Variants in SETDB2 observed in about 807,000 individuals in gnomAD.
SETDB2 encodes SET domain bifurcated histone lysine methyltransferase 2, also known as histone-lysine N-methyltransferase SETDB2.
In SETDB2, 56 loss-of-function variants were observed where a neutral mutation model predicts 82.5. That is an observed-to-expected ratio of 0.68 (90% CI 0.55 to 0.85). The LOEUF is 0.85. Among genes scored for constraint, SETDB2 ranks in the 40% least tolerant of loss-of-function variants. The probability of loss-of-function intolerance (pLI) is 0.00; values close to 1 mark genes in which losing one functional copy is unlikely to be tolerated. For missense variants in SETDB2, 677 were observed against 816.4 expected, an observed-to-expected ratio of 0.83 and a Z score of 2.08; for synonymous variants, 272 against 284.9, an observed-to-expected ratio of 0.95 and a Z score of 0.46.
At chr13:49,457,470 G>A (rs112271100) in intron 2 of SETDB2, among the ~76,000 whole-genome samples, 3,709 of 125,384 alleles carry the variant, frequency 0.03, 201 homozygotes, top group African/African-American at 0.11. Context: ...GTCTTGCTCT[G>A]TTACCCAGGC....
chr13:49,475,292 A>G (rs1958333172), intron 5 of SETDB2, among the ~76,000 whole-genome samples: 1 of 152,158 alleles, frequency 6.6e-6, no homozygotes, highest in Admixed American at 6.5e-5. Flanking sequence ...TCCCTCCCAC[A>G]ACACGTCGGA....
At position 49,467,956 on chromosome 13, in the gene SETDB2, T is replaced by C. The variant is rs757867378; in HGVS notation, c.301T>C (p.Phe101Leu). 1 of 1,584,030 alleles carries C rather than the reference T, an allele frequency of 6.3e-7. No individual in the cohort carries two copies. The highest frequency in any genetic ancestry group is 8.6e-7 in the Non-Finnish European group (1 of 1,162,032). Residue 101 changes from phenylalanine (F) to leucine (L), a missense_variant, in exon 5 of 14, where the codon TTT becomes CTT. Phe to Leu is a conservative substitution (Grantham distance 22). Transcript: ENST00000611815. Reference protein sequence around the residue: ...CENSFPEDCTFLTTENKEILS... With the variant: ...CENSFPEDCTLLTTENKEILS... ...AAACTCCTTTCCAGAAGACTGTACA[T>C]TTCTGTATGTATATAAATTCTTTGT...
chr13:49,485,954 A>G, intron 11 of SETDB2: 1 of 625,982 alleles, frequency 1.6e-6, no homozygotes, highest in South Asian at 1.8e-5. Flanking sequence ...GTTTTTAAAT[A>G]GTTGAAAAAA....
chr13:49,448,610 A>G (rs779709212), intron 1 of SETDB2, among the ~76,000 whole-genome samples: 3 of 152,158 alleles, frequency 2.0e-5, no homozygotes, highest in Non-Finnish European at 4.4e-5. Context: ...GGGTTGATTT[A>G]CTACATTCAG....
chr13:49,488,895 A>G (rs1958646645), intron 12 of SETDB2: 1 of 252,330 alleles, frequency 4.0e-6, no homozygotes, highest in Non-Finnish European at 7.6e-6. Context: ...TGCCTAGCAC[A>G]TAGTAAACAT....
intron 2 of SETDB2, among the ~76,000 whole-genome samples, chr13:49,459,210 G>C (rs529412978): frequency 6.6e-6 from 1 of 152,284 alleles, no homozygotes; most frequent in Non-Finnish European, 1.5e-5. Flanking sequence ...AGCAGGAATT[G>C]AGACTTTGAT....
intron 2 of SETDB2, among the ~76,000 whole-genome samples, chr13:49,457,193 G>T (rs1957898662): frequency 7.0e-6 from 1 of 142,344 alleles, no homozygotes; most frequent in African/African-American, 2.6e-5. Context: ...TAATTTAGTA[G>T]CATGTATTGG....
Position 49,467,870 on chromosome 13 carries a change from T to TTG in SETDB2, c.215_216insTG (p.Met72IlefsTer4). On this transcript the variant is annotated frameshift_variant, in exon 5 of 14. Coordinates refer to ENST00000611815, the MANE Select transcript of SETDB2 (RefSeq NM_001160308.3). LOFTEE classifies it high-confidence loss of function. The stretch of plus-strand genomic sequence containing the variant: ...ACATTATTTTTTTGTGTAGATCCTA[T>TTG]GCCTGTGACTCAGAAGGAACAGGAA... 6.3e-7 allele frequency: 1 copy of TTG among 1,588,578 alleles called. No homozygotes were observed. Among genetic ancestry groups the TTG allele is most frequent in the Admixed American group, 1.7e-5 (1 of 57,246 alleles).
At chr13:49,489,906 C>CT (rs1566177793) in intron 12 of SETDB2, among the ~76,000 whole-genome samples, 2 of 34,570 alleles carry the variant, frequency 5.8e-5, no homozygotes, top group African/African-American at 1.6e-4. Flanking sequence ...TTATTTCTCC[C>CT]GCCCCCCCCC....
rs1479442816 is a variant in SETDB2 at position 49,492,085 on chromosome 13, A to C, written c.*236A>C. On this transcript the variant is annotated 3_prime_UTR_variant, in exon 14 of 14. Coordinates refer to ENST00000611815, the MANE Select transcript of SETDB2 (RefSeq NM_001160308.3). ...TGCTACTTTACATGAGTAGGATGGA[A>C]GTGTATATTTTATATGAAATACCAC... is the stretch of plus-strand genomic sequence containing the variant. 3.5e-5 allele frequency: 15 copies of C among 432,234 alleles called. No homozygotes were observed. The Admixed American group carries it at 5.2e-4, about 15-fold the overall frequency. 26.8% of individuals were successfully genotyped at this position (432,234 alleles called of 1,614,324 possible).
intron 4 of SETDB2, among the ~76,000 whole-genome samples, chr13:49,461,503 T>C (rs1411580069): frequency 2.0e-5 from 3 of 152,232 alleles, no homozygotes; most frequent in Non-Finnish European, 2.9e-5. Flanking sequence ...TTGAAAGATA[T>C]ATTCTTGTAT....
intron 13 of SETDB2, among the ~76,000 whole-genome samples, chr13:49,491,172 G>A (rs1958703932): frequency 6.6e-6 from 1 of 152,170 alleles, no homozygotes; most frequent in African/African-American, 2.4e-5. Context: ...AGCCCAAGAG[G>A]TAGAGTTTGC....
chr13:49,470,852 G>T (rs1252131940), intron 5 of SETDB2, among the ~76,000 whole-genome samples: 1 of 151,924 alleles, frequency 6.6e-6, no homozygotes, highest in Non-Finnish European at 1.5e-5. Context: ...TTCAAAAAAA[G>T]ATTATACAAA....
chr13:49,476,303 A>G lies in SETDB2; in HGVS notation c.306-173A>G, dbSNP rs545414830. Among the ~76,000 whole-genome samples the G allele has an allele frequency of 3.9e-5, 6 of 152,294 alleles. No homozygotes were observed. In the South Asian group the frequency reaches 1.2e-3, roughly 32 times the overall value. On this transcript the variant is annotated intron_variant, in intron 5 of 13. Transcript: ENST00000611815. ...CATAGGAAGACCCCATCTCCGAGAAAAGTTTTAAAAATAGATATAATCTTT... is the reference window on the plus strand; with the variant it reads ...CATAGGAAGACCCCATCTCCGAGAAGAGTTTTAAAAATAGATATAATCTTT...
Position 49,476,542 on chromosome 13 carries a change from A to G in SETDB2, c.372A>G (p.Ser124=). 6.2e-7 allele frequency: 1 copy of G among 1,613,670 alleles called. No homozygotes were observed. The highest frequency in any genetic ancestry group is 1.1e-5 in the South Asian group (1 of 90,944). ...TTGTAGACTTTAGAGAAAAAGACTC[A>G]TCTTCGAATTTATCTTACCAAAGTC... ...DKVVDFREKD[S]SSNLSYQSHD... Residue 124 remains serine (S), a synonymous_variant, in exon 6 of 14, where the codon TCA becomes TCG. Transcript: ENST00000611815.
intron 10 of SETDB2, among the ~76,000 whole-genome samples, chr13:49,483,926 GC>G (rs1450158775): frequency 2.0e-5 from 3 of 152,144 alleles, no homozygotes; most frequent in Non-Finnish European, 4.4e-5. Flanking sequence ...AGCTGCTGGG[GC>G]CCTTCTGAGA....
rs1258754730 is a variant in SETDB2 at position 49,485,717 on chromosome 13, G to A, written c.1570G>A (p.Ala524Thr). The part of the protein sequence containing the change: ...REHLNSKTKG[A>T]QKDSSSNHVD... ...GCATCTGAACTCTAAAACCAAGGGA[G>A]CACAAAGTAGGCTTTGTTTCTTCTG... The change falls in exon 11 of 14, where the codon GCA becomes ACA. Residue 524 changes from alanine to threonine, a missense_variant. This residue lies in a region of SETDB2 where 420 missense variants were observed against 554.6 expected (regional missense o/e 0.76). Coordinates refer to ENST00000611815, the MANE Select transcript of SETDB2 (RefSeq NM_001160308.3). 4 of 1,613,594 alleles carry A rather than the reference G, an allele frequency of 2.5e-6. No individual in the cohort carries two copies. Among genetic ancestry groups the A allele is most frequent in the Non-Finnish European group, 3.4e-6 (4 of 1,179,664 alleles).
chr13:49,486,609 A>G (rs1958602860), intron 11 of SETDB2, among the ~76,000 whole-genome samples: 1 of 152,210 alleles, frequency 6.6e-6, no homozygotes, highest in South Asian at 2.1e-4. Flanking sequence ...AACTCTTTGT[A>G]GACGCCTTTA....
intron 6 of SETDB2, among the ~76,000 whole-genome samples, chr13:49,479,732 C>T (rs1432455846): frequency 1.3e-5 from 2 of 152,192 alleles, no homozygotes; most frequent in Non-Finnish European, 2.9e-5. Flanking sequence ...TTGCAAGCTT[C>T]CTGCCTCGCA....
Sources: allele counts gnomAD v4.1 joint callset (sites outside exome capture counted in the v4.1 genomes callset), GRCh38; gene constraint gnomAD v4.1.1; regional missense constraint gnomAD v4.1.1; transcripts MANE v1.5; gene names NCBI Gene and HGNC (gene_info 2026-07-23, HGNC 2026-07-21).